The following MUC5AC variants were observed in gnomAD, a reference collection of about 807,000 sequenced individuals.
MUC5AC encodes mucin-5AC.
MUC5AC carries 158 observed loss-of-function variants against 169.7 expected under a neutral mutation model. That is an observed-to-expected ratio of 0.93 (90% confidence interval 0.82 to 1.06). The LOEUF (loss-of-function observed/expected upper bound fraction) is 1.06. Among genes scored for constraint, MUC5AC ranks in the 50% least tolerant of loss-of-function variants. The probability of loss-of-function intolerance (pLI) is 0.00; values close to 1 mark genes in which losing one functional copy is unlikely to be tolerated. For missense variants in MUC5AC, 4,359 were observed against 3,089.9 expected (o/e 1.41, Z -9.74); for synonymous variants, 1,975 against 1,237.0 (o/e 1.60, Z -12.52).
chr11:1,174,149 G>T (rs962286878), intron 16 of MUC5AC, among the ~76,000 whole-genome samples: 3 of 152,244 alleles, frequency 2.0e-5, no homozygotes, highest in African/African-American at 7.2e-5. Context: ...TAAACTTCAG[G>T]GGTTTGTTGC....
chr11:1,171,835 ACACT>A (rs1212392334), intron 15 of MUC5AC, among the ~76,000 whole-genome samples: 3 of 63,874 alleles, frequency 4.7e-5, no homozygotes, highest in Non-Finnish European at 9.5e-5. Flanking sequence ...CACCCACTCA[ACACT>A]CACTCACCCA....
Position 1,191,902 on chromosome 11 carries a change from C to A in MUC5AC, c.13757C>A (p.Thr4586Asn), listed in dbSNP as rs779912363. ...STTSAPTTSTTSGPGTTPSPV... is the reference protein window; with the variant it reads ...STTSAPTTSTNSGPGTTPSPV... ...ACCTCTGCTCCTACAACCAGCACGA[C>A]CTCTGGTCCTGGAACTACTCCCAGC... The change falls in exon 31 of 49, where the codon ACC (threonine) becomes AAC (asparagine). Residue 4586 changes from threonine to asparagine, a missense_variant. Thr to Asn is a moderately conservative substitution (Grantham distance 65). Transcript: ENST00000621226. 1 of 764,992 alleles carries A rather than the reference C, an allele frequency of 1.3e-6. No individual in the cohort carries two copies. Among genetic ancestry groups the A allele is most frequent in the South Asian group, 1.3e-5 (1 of 74,552 alleles). The allele number at this position is 764,992 out of a possible 1,614,324, so 47.4% of individuals were successfully genotyped here.
At position 1,166,300 on chromosome 11, in the gene MUC5AC, C is replaced by A. The variant is rs1161193431; in HGVS notation, c.1386+540C>A. On this transcript the variant is annotated intron_variant, in intron 11 of 48. Transcript: ENST00000621226. ...GTCTCTGCACGATGAGACCCTGCACCCAACACACAGTCTCCCACGATGAGA... is the reference window on the plus strand; with the variant it reads ...GTCTCTGCACGATGAGACCCTGCACACAACACACAGTCTCCCACGATGAGA... Among the ~76,000 whole-genome samples, 3 of 146,764 alleles carry A rather than the reference C, an allele frequency of 2.0e-5. 1 individual carries two copies. The highest frequency in any genetic ancestry group is 4.5e-5 in the Non-Finnish European group (3 of 66,414).
chr11:1,162,250 G>A (rs1260959751), intron 4 of MUC5AC, 82 bp downstream of exon 4: 1 of 1,538,608 alleles, frequency 6.5e-7, no homozygotes, highest in African/African-American at 1.4e-5. Flanking sequence ...TCGCGGTCCT[G>A]GGAGGGATGT....
rs1379505562 is a variant in MUC5AC, at chr11:1,182,716, C to T, written c.4571C>T (p.Thr1524Ile). ...GTVSLSTART[T>I]PAPGTATSVK... ...GTGTCTCTCTCTACAGCCAGGACGACACCTGCCCCAGGTACCGCTACCTCT... is the reference window on the plus strand; with the variant it reads ...GTGTCTCTCTCTACAGCCAGGACGATACCTGCCCCAGGTACCGCTACCTCT... The change falls in exon 31 of 49, where the codon ACA becomes ATA. Residue 1524 changes from threonine (T) to isoleucine (I), a missense_variant. Transcript: ENST00000621226. 8 of 398,506 alleles carry T rather than the reference C, an allele frequency of 2.0e-5. No homozygotes were observed. Among genetic ancestry groups the T allele is most frequent in the Admixed American group, 1.8e-4 (4 of 22,718 alleles). 24.7% of individuals were successfully genotyped at this position (398,506 alleles called of 1,614,324 possible).
intron 15 of MUC5AC, among the ~76,000 whole-genome samples, chr11:1,171,859 T>G (rs1449626088): frequency 3.2e-5 from 4 of 123,420 alleles, no homozygotes; most frequent in Non-Finnish European, 5.1e-5. Flanking sequence ...ACTCACCCAT[T>G]CACTCACTCA....
At chr11:1,168,393 T>G (rs55939190) in intron 12 of MUC5AC, 90 bp from the exon 13 acceptor site, 29 of 1,324,084 alleles carry the variant, frequency 2.2e-5, no homozygotes, top group Non-Finnish European at 3.1e-5. Context: ...AAAGGCCTCC[T>G]AGGCACCTGC....
Position 1,197,561 on chromosome 11 carries a change from C to T in MUC5AC, c.15955C>T (p.Pro5319Ser). 1 of 716,456 alleles carries T rather than the reference C, an allele frequency of 1.4e-6. No homozygotes were observed. The highest frequency in any genetic ancestry group is 2.5e-6 in the Non-Finnish European group (1 of 394,086). 44.4% of individuals were successfully genotyped at this position (716,456 alleles called of 1,614,324 possible). ...CCGACCCAAGCTCTGCCCGCTGCCC[C>T]CTGCCTGCCCCCTGCCCGGCTTCGT... ...TCRPKLCPLP[P>S]ACPLPGFVPV... is the part of the protein sequence containing the mutation. The change falls in exon 41 of 49, where the codon CCT becomes TCT. Residue 5319 changes from proline to serine, a missense_variant. By Grantham distance (74) the Pro-to-Ser change is moderately conservative. Transcript: ENST00000621226.
chr11:1,175,951 ACT>A (rs1190817284), intron 19 of MUC5AC, among the ~76,000 whole-genome samples, 198 bp from the exon 20 acceptor site: 2 of 120,556 alleles, frequency 1.7e-5, no homozygotes, highest in Non-Finnish European at 3.3e-5. Flanking sequence ...ATGCACACAC[ACT>A]CACACCCAGT....
intron 8 of MUC5AC, 26 bp from the exon 9 acceptor site, chr11:1,164,381 G>A (rs893666998): frequency 2.3e-5 from 37 of 1,611,898 alleles, no homozygotes; most frequent in Non-Finnish European, 2.7e-5. Context: ...GCAGGCAGAC[G>A]TGAGCCCTCT....
At position 1,195,051 on chromosome 11, in the gene MUC5AC, C is replaced by T. The variant is rs1861226948; in HGVS notation, c.15230C>T (p.Pro5077Leu). 5.3e-6 allele frequency: 4 copies of T among 752,108 alleles called. No individual in the cohort carries two copies. Among genetic ancestry groups the T allele is most frequent in the South Asian group, 2.8e-5 (2 of 72,384 alleles). The allele number at this position is 752,108 out of a possible 1,614,324, so 46.6% of individuals were successfully genotyped here. A position where few individuals can be genotyped will look rare whatever the true frequency, so the allele number is the denominator to read the frequency against. Residue 5077 changes from proline to leucine, a missense_variant, in exon 36 of 49, where the codon CCT becomes CTT. Coordinates refer to ENST00000621226, the MANE Select transcript of MUC5AC (RefSeq NM_001304359.2). Reference protein sequence around the residue: ...TNDRKDECRTPRGTVVASCSE... With the variant: ...TNDRKDECRTLRGTVVASCSE... ...GACAGGAAGGATGAGTGCCGCACGC[C>T]TAGGGGGACGGTGGTCGCTTCCTGC...
intron 2 of MUC5AC, 58 bp from the exon 3 acceptor site, chr11:1,161,469 C>T (rs1860137644): frequency 5.7e-6 from 8 of 1,406,634 alleles, no homozygotes; most frequent in South Asian, 1.4e-5. Flanking sequence ...CCTCTGGCTG[C>T]GGAGCCCCCG....
chr11:1,177,367 A>T (rs1280719054), intron 23 of MUC5AC, 23 bp downstream of exon 23: 1 of 425,544 alleles, frequency 2.3e-6, no homozygotes, highest in African/African-American at 2.0e-5. Context: ...GGGTGGTCGC[A>T]TGCCCTCCAG....
At chr11:1,161,816 T>A in intron 3 of MUC5AC, 91 bp from the exon 4 acceptor site, 4 of 1,499,080 alleles carry the variant, frequency 2.7e-6, no homozygotes, top group South Asian at 1.3e-5. Flanking sequence ...TGCAGGACCC[T>A]GGGGAGGGGC....
chr11:1,186,598 C>G lies in MUC5AC; in HGVS notation c.8453C>G (p.Thr2818Ser), dbSNP rs1415212212. Residue 2818 changes from threonine to serine, a missense_variant, in exon 31 of 49, where the codon ACC (threonine) becomes AGC (serine). Transcript: ENST00000621226. The part of the protein sequence containing the change: ...PISSTTSTPQ[T>S]STTSAPTTST... ...AGCAGCACAACTTCCACACCACAGACCAGCACAACTTCGGCTCCTACAACC... is the reference window on the plus strand; with the variant it reads ...AGCAGCACAACTTCCACACCACAGAGCAGCACAACTTCGGCTCCTACAACC... 2 of 712,086 alleles carry G rather than the reference C, an allele frequency of 2.8e-6. No homozygotes were observed. Among genetic ancestry groups the G allele is most frequent in the African/African-American group, 3.5e-5 (2 of 57,392 alleles). 44.1% of individuals were successfully genotyped at this position (712,086 alleles called of 1,614,324 possible).
Position 1,178,437 on chromosome 11 carries a change from T to G in MUC5AC, c.3088-7T>G. The G allele has an allele frequency of 1.7e-6, 1 of 603,094 alleles. No individual in the cohort carries two copies. Among genetic ancestry groups the G allele is most frequent in the Non-Finnish European group, 2.5e-6 (1 of 400,158 alleles). 37.4% of individuals were successfully genotyped at this position (603,094 alleles called of 1,614,324 possible). A position where few individuals can be genotyped will look rare whatever the true frequency, so the allele number is the denominator to read the frequency against. ...ACCCACCTCCACCTCTCCCGGTGCC[T>G]CTGCAGGGCAGGGTCTGCGGCCTGT... On this transcript the variant is annotated splice_polypyrimidine_tract_variant and splice_region_variant and intron_variant, in intron 24 of 48. Coordinates refer to ENST00000621226, the MANE Select transcript of MUC5AC (RefSeq NM_001304359.2).
At chr11:1,159,791 C>T (rs1435570514) in intron 1 of MUC5AC, among the ~76,000 whole-genome samples, 21 of 73,382 alleles carry the variant, frequency 2.9e-4, no homozygotes, top group South Asian at 5.2e-4. Flanking sequence ...CTGGTCCCAC[C>T]ATGCTGGCTC....
At position 1,188,632 on chromosome 11, in the gene MUC5AC, C is replaced by A. The variant is rs1408958359; in HGVS notation, c.10487C>A (p.Ser3496Tyr). The A allele has an allele frequency of 2.6e-6, 2 of 764,984 alleles. No homozygotes were observed. The highest frequency in any genetic ancestry group is 4.8e-6 in the Non-Finnish European group (2 of 417,848). 47.4% of individuals were successfully genotyped at this position (764,984 alleles called of 1,614,324 possible). Residue 3496 changes from serine (S) to tyrosine (Y), a missense_variant, in exon 31 of 49, where the codon TCT (serine) becomes TAT (tyrosine). Transcript: ENST00000621226. Reference sequence around the variant, plus strand: ...CCTGTTACCACCACCAGCACAGCCTCTGTTTCAAAGACCAGCACAAGCCAT... The same window carrying A: ...CCTGTTACCACCACCAGCACAGCCTATGTTTCAAAGACCAGCACAAGCCAT... ...PSPVTTTSTA[S>Y]VSKTSTSHVS...
rs758912865 is a variant in MUC5AC, at chr11:1,191,744, T to C, written c.13599T>C (p.Ser4533=). 2.7e-6 allele frequency: 2 copies of C among 745,896 alleles called. No homozygotes were observed. The highest frequency in any genetic ancestry group is 1.8e-5 in the Admixed American group (1 of 56,056). 46.2% of individuals were successfully genotyped at this position (745,896 alleles called of 1,614,324 possible). A position where few individuals can be genotyped will look rare whatever the true frequency, so the allele number is the denominator to read the frequency against. The part of the protein sequence containing the change: ...SAPTTSTTSA[S]TASTTSGPGT... ...CTACAACCAGCACAACCTCTGCCTC[T>C]ACAGCCAGCACAACCTCTGGTCCTG... The change falls in exon 31 of 49, where the codon TCT becomes TCC. Residue 4533 remains serine, a synonymous_variant. Coordinates refer to ENST00000621226, the MANE Select transcript of MUC5AC (RefSeq NM_001304359.2).
Sources: allele counts gnomAD v4.1 joint callset (sites outside exome capture counted in the v4.1 genomes callset), GRCh38; gene constraint gnomAD v4.1.1; transcripts MANE v1.5; gene names NCBI Gene and HGNC (gene_info 2026-07-23, HGNC 2026-07-21).